The following RABEP1 variants were observed in gnomAD, a reference collection of about 807,000 sequenced individuals.
RABEP1 encodes rabaptin, RAB GTPase binding effector protein 1.
A neutral mutation model predicts 123.4 loss-of-function variants in RABEP1; 51 were observed. That is an observed-to-expected ratio of 0.41 (90% CI 0.33 to 0.52). RABEP1 has a LOEUF of 0.52. RABEP1 is among the 20% of genes least tolerant of loss of function. RABEP1 has a pLI of 0.16. For synonymous variants in RABEP1, 347 were observed against 355.2 expected, an observed-to-expected ratio of 0.98 and a Z score of 0.26; for missense variants, 888 against 996.3, an observed-to-expected ratio of 0.89 and a Z score of 1.46.
chr17:5,289,086 GCTTC>G (rs1403089127), intron 1 of RABEP1, among the ~76,000 whole-genome samples: 6 of 152,034 alleles, frequency 3.9e-5, no homozygotes, highest in Admixed American at 6.6e-5. Flanking sequence ...TGGCTGGCTT[GCTTC>G]CTTCCTTTCA....
rs1414603256 is a variant in RABEP1 at position 5,385,400 on chromosome 17, C to T, written c.*2177C>T. ...CTCATGCATGTCTAACCTGATTTAC[C>T]TCTTACCTGTAACCTACCTTATCAT... On this transcript the variant is annotated 3_prime_UTR_variant, in exon 18 of 18. Transcript: ENST00000537505. 4.3e-6 allele frequency: 1 copy of T among 230,384 alleles called. No homozygotes were observed. Among genetic ancestry groups the T allele is most frequent in the Non-Finnish European group, 8.6e-6 (1 of 116,446 alleles). The allele number at this position is 230,384 out of a possible 1,614,324, so 14.3% of individuals were successfully genotyped here.
At chr17:5,283,355 G>A (rs1424163044) in intron 1 of RABEP1, among the ~76,000 whole-genome samples, 1 of 151,942 alleles carries the variant, frequency 6.6e-6, no homozygotes, top group Non-Finnish European at 1.5e-5. Flanking sequence ...ATTCTTGGAA[G>A]GAAAAAAGGG....
chr17:5,367,084 C>T lies in RABEP1; in HGVS notation c.1786-1286C>T, dbSNP rs139029776. On this transcript the variant is annotated intron_variant, in intron 11 of 17. Transcript: ENST00000537505. ...CGCCTGGGCAACAAGAGTGAAACTC[C>T]GTCTGAAAGAAAAAAAAAAATCAAA... Among the ~76,000 whole-genome samples, 104 of 143,828 alleles carry T rather than the reference C, an allele frequency of 7.2e-4. 1 individual carries two copies. The East Asian group carries it at 0.014, about 20-fold the overall frequency. The allele number at this position is 143,828 out of a possible 152,430, so 94.4% of individuals were successfully genotyped here. A position where few individuals can be genotyped will look rare whatever the true frequency, so the allele number is the denominator to read the frequency against.
chr17:5,282,656 G>A (rs2074937590), intron 1 of RABEP1, 136 bp downstream of exon 1: 1 of 483,214 alleles, frequency 2.1e-6, no homozygotes, highest in Non-Finnish European at 2.7e-6. Flanking sequence ...GGAGGCGGGG[G>A]CGCGCGGGCT....
intron 3 of RABEP1, 51 bp from the exon 4 acceptor site, chr17:5,335,133 T>A: frequency 6.9e-7 from 1 of 1,455,710 alleles, no homozygotes; most frequent in Non-Finnish European, 9.3e-7. Context: ...TGTGCCAGGT[T>A]ATTTTTTTTT....
chr17:5,303,091 G>T (rs78193282), intron 1 of RABEP1, among the ~76,000 whole-genome samples: 3,182 of 152,002 alleles, frequency 0.021, 103 homozygotes, highest in East Asian at 0.13. Flanking sequence ...ATTCATTACA[G>T]TCTTTTTTTC....
rs572926803 is a variant in RABEP1, at chr17:5,348,390, C to T, written c.784+1465C>T. On this transcript the variant is annotated intron_variant, in intron 6 of 17. Transcript: ENST00000537505. ...CATTCAAGGCCATTTGCATGTGATG[C>T]AGCTAGGTAAGGAAGTCTAAGAAAA... 2.0e-5 allele frequency among the ~76,000 whole-genome samples: 3 copies of T among 152,238 alleles called. No individual in the cohort carries two copies. In the South Asian group the frequency reaches 6.2e-4, roughly 32 times the overall value.
In RABEP1 at chr17:5,332,155, A is replaced by G. The variant is rs1029567381; in HGVS notation, c.367+3A>G. The stretch of plus-strand genomic sequence containing the variant: ...TTCACTTCAGGCTGTTATGAAAGGT[A>G]AAGACAGAGAAAGATCAATTTTGTG... On this transcript the variant is annotated splice_donor_region_variant and intron_variant, in intron 3 of 17. Coordinates refer to ENST00000537505, the MANE Select transcript of RABEP1 (RefSeq NM_004703.6). 3 of 1,610,242 alleles carry G rather than the reference A, an allele frequency of 1.9e-6. No individual in the cohort carries two copies. Among genetic ancestry groups the G allele is most frequent in the Admixed American group, 3.4e-5 (2 of 59,672 alleles).
intron 16 of RABEP1, 70 bp downstream of exon 16, chr17:5,380,532 G>GAA: frequency 8.0e-7 from 1 of 1,250,242 alleles, no homozygotes. Context: ...CTTGCTTGTT[G>GAA]AAAAAAAAAT....
Position 5,325,339 on chromosome 17 carries a change from C to CA in RABEP1, c.164-6600dup, listed in dbSNP as rs956841376. 7.6e-4 allele frequency among the ~76,000 whole-genome samples: 109 copies of CA among 143,018 alleles called. 1 individual carries two copies. Among genetic ancestry groups the CA allele is most frequent in the Non-Finnish European group, 6.9e-4 (45 of 65,056 alleles). 93.8% of individuals were successfully genotyped at this position (143,018 alleles called of 152,430 possible). On this transcript the variant is annotated intron_variant, in intron 2 of 17. Transcript: ENST00000537505. ...TGGGCAACAAGAGCAAAACTCCGTCCAAAAAAAAAAGGAAAGAATGAAATC... is the reference window on the plus strand; with the variant it reads ...TGGGCAACAAGAGCAAAACTCCGTCCAAAAAAAAAAAGGAAAGAATGAAATC...
At chr17:5,304,887 C>T (rs997751345) in intron 1 of RABEP1, among the ~76,000 whole-genome samples, 1 of 152,198 alleles carries the variant, frequency 6.6e-6, no homozygotes, top group Admixed American at 6.5e-5. Context: ...TTTCTGGCTA[C>T]ATACAAAGTC....
chr17:5,327,540 C>CGATTATT (rs1906101807), intron 2 of RABEP1, among the ~76,000 whole-genome samples: 1 of 152,040 alleles, frequency 6.6e-6, no homozygotes, highest in Non-Finnish European at 1.5e-5. Flanking sequence ...GATTATTTTG[C>CGATTATT]ATGTGACTAT....
At chr17:5,316,327 G>A (rs540967532) in intron 2 of RABEP1, among the ~76,000 whole-genome samples, 40 of 151,636 alleles carry the variant, frequency 2.6e-4, no homozygotes, top group South Asian at 4.2e-4. Flanking sequence ...AGTGTGGGCC[G>A]TAGTCCCAGC....
chr17:5,312,504 T>C (rs2075254398), intron 2 of RABEP1, among the ~76,000 whole-genome samples: 1 of 152,140 alleles, frequency 6.6e-6, no homozygotes, highest in African/African-American at 2.4e-5. Flanking sequence ...AAATACTATA[T>C]GATGGAAGGT....
At chr17:5,382,069 C>G (rs946700146) in intron 17 of RABEP1, among the ~76,000 whole-genome samples, 1 of 145,624 alleles carries the variant, frequency 6.9e-6, no homozygotes, top group Non-Finnish European at 1.5e-5. Context: ...GTTTTTTTCC[C>G]AATGGAACTT....
chr17:5,380,323 G>C (rs371225705), intron 15 of RABEP1, 41 bp from the exon 16 acceptor site: 2 of 1,406,830 alleles, frequency 1.4e-6, no homozygotes, highest in Non-Finnish European at 2.0e-6. Flanking sequence ...CTGGGGCCCA[G>C]AGGGAGTTTC....
Position 5,282,531 on chromosome 17 carries a change from C to T in RABEP1, c.34+11C>T. 1 of 1,210,388 alleles carries T rather than the reference C, an allele frequency of 8.3e-7. No individual in the cohort carries two copies. Among genetic ancestry groups the T allele is most frequent in the Non-Finnish European group, 1.0e-6 (1 of 971,140 alleles). 75.0% of individuals were successfully genotyped at this position (1,210,388 alleles called of 1,614,324 possible). A position where few individuals can be genotyped will look rare whatever the true frequency, so the allele number is the denominator to read the frequency against. On this transcript the variant is annotated intron_variant, in intron 1 of 17. Transcript: ENST00000537505. ...CTTCCCAGCCTGACGGTGAGGCGCC[C>T]ACCATGGCAGGCGCGGCGGGCGCGG...
At chr17:5,298,122 C>T (rs759729979) in intron 1 of RABEP1, among the ~76,000 whole-genome samples, 13 of 152,168 alleles carry the variant, frequency 8.5e-5, no homozygotes, top group South Asian at 2.1e-4. Context: ...ATAAATAATG[C>T]AGCCAACTTT....
At chr17:5,308,090 A>G (rs774479539) in intron 1 of RABEP1, among the ~76,000 whole-genome samples, 13 of 152,188 alleles carry the variant, frequency 8.5e-5, no homozygotes, top group Non-Finnish European at 1.3e-4. Context: ...CTAAAATTAA[A>G]TTGCTATTCA....
Sources: allele counts gnomAD v4.1 joint callset (sites outside exome capture counted in the v4.1 genomes callset), GRCh38; gene constraint gnomAD v4.1.1; transcripts MANE v1.5; gene names NCBI Gene and HGNC (gene_info 2026-07-23, HGNC 2026-07-21).